Variants in USP42 observed in about 807,000 individuals in gnomAD.
USP42 encodes the protein ubiquitin specific peptidase 42.
A neutral mutation model predicts 113.0 loss-of-function variants in USP42; 23 were observed. The observed-to-expected ratio is 0.20, with a 90% CI of 0.15 to 0.29. USP42 has a LOEUF of 0.29. USP42 is among the 10% of genes least tolerant of loss of function. USP42 has a pLI of 1.00. For missense variants in USP42, 2,174 were observed against 1,779.8 expected (o/e 1.22, Z -3.99); for synonymous variants, 933 against 699.0 (o/e 1.33, Z -5.28).
chr7:6,156,062 C>G (rs1562860825), intron 15 of USP42, among the ~76,000 whole-genome samples: 1 of 152,130 alleles, frequency 6.6e-6, no homozygotes, highest in Admixed American at 6.6e-5. Flanking sequence ...TTTTAAAAAG[C>G]TAAATTGGTT....
intron 3 of USP42, among the ~76,000 whole-genome samples, chr7:6,135,093 A>G (rs962837549): frequency 1.3e-5 from 2 of 152,162 alleles, no homozygotes; most frequent in African/African-American, 2.4e-5. Flanking sequence ...CCTGGCTTCC[A>G]CAGTGATGTC....
At chr7:6,142,688 G>C (rs1236702997) in intron 7 of USP42, among the ~76,000 whole-genome samples, 1 of 151,922 alleles carries the variant, frequency 6.6e-6, no homozygotes, top group Non-Finnish European at 1.5e-5. Context: ...TTTGAGACCA[G>C]CCTGGGGGAA....
At chr7:6,145,212 T>C (rs982894911) in intron 9 of USP42, among the ~76,000 whole-genome samples, 1 of 151,690 alleles carries the variant, frequency 6.6e-6, no homozygotes, top group Admixed American at 6.6e-5. Context: ...GCACCTGTAA[T>C]CCCGGCTACT....
At chr7:6,104,551 G>A (rs1779135104), upstream of USP42, among the ~76,000 whole-genome samples, 2 of 152,244 alleles carry the variant, frequency 1.3e-5, no homozygotes, top group South Asian at 4.1e-4. Flanking sequence ...CCCGCTTCTG[G>A]AAACGCATCT....
chr7:6,105,802 A>G (rs1583563310), intron 1 of USP42, among the ~76,000 whole-genome samples: 1 of 152,196 alleles, frequency 6.6e-6, no homozygotes, highest in East Asian at 1.9e-4. Context: ...TGGACGGAAC[A>G]AGTTTTCCCA....
intron 5 of USP42, 36 bp from the exon 6 acceptor site, chr7:6,140,092 A>G (rs556277606): frequency 1.2e-6 from 2 of 1,600,042 alleles, no homozygotes; most frequent in Non-Finnish European, 1.7e-6. Context: ...GTTTTTGCAA[A>G]GCTCTTCTCT....
At chr7:6,128,745 G>T (rs1290369630) in intron 3 of USP42, among the ~76,000 whole-genome samples, 1 of 151,592 alleles carries the variant, frequency 6.6e-6, no homozygotes, top group Non-Finnish European at 1.5e-5. Context: ...GTGTTTTCTT[G>T]CTTCTCTGTG....
At chr7:6,091,667 CATT>C in the USP42 span, among the ~76,000 whole-genome samples, 1 of 99,178 alleles carries the variant, frequency 1.0e-5, no homozygotes, top group Admixed American at 9.8e-5. Context: ...CATATTTAAT[CATT>C]ATGTTAGCAT....
intron 3 of USP42, among the ~76,000 whole-genome samples, chr7:6,122,350 A>G (rs1030398753): frequency 1.3e-5 from 2 of 149,412 alleles, no homozygotes; most frequent in Non-Finnish European, 1.5e-5. Flanking sequence ...CAGTGGTGTC[A>G]TCATAGCTCA....
chr7:6,149,511 C>A, intron 12 of USP42, 72 bp from the exon 13 acceptor site: 2 of 1,510,468 alleles, frequency 1.3e-6, no homozygotes, highest in Non-Finnish European at 8.9e-7. Flanking sequence ...AAGGACCCAT[C>A]AGCCAAAATG....
rs746761287 is a variant in USP42, at chr7:6,135,977, T to G, written c.553+26T>G. The G allele has an allele frequency of 7.3e-6, 10 of 1,365,488 alleles. No individual in the cohort carries two copies. In the African/African-American group the frequency reaches 1.3e-4, roughly 18 times the overall value. 84.6% of individuals were successfully genotyped at this position (1,365,488 alleles called of 1,614,324 possible). A position where few individuals can be genotyped will look rare whatever the true frequency, so the allele number is the denominator to read the frequency against. On this transcript the variant is annotated intron_variant, in intron 4 of 17. Transcript: ENST00000306177. The stretch of plus-strand genomic sequence containing the variant: ...GTAAGTATTAACTATTGTAGTTTTA[T>G]ATTTGTATTTATTACCTAGTTATAC...
intron 2 of USP42, 78 bp from the exon 3 acceptor site, chr7:6,115,245 G>T (rs1779853214): frequency 7.0e-7 from 1 of 1,425,178 alleles, no homozygotes; most frequent in Admixed American, 1.7e-5. Context: ...AAAGATTGAG[G>T]TTTGACCAGG....
intron 3 of USP42, among the ~76,000 whole-genome samples, chr7:6,123,962 G>T (rs1347266727): frequency 1.3e-5 from 2 of 151,086 alleles, no homozygotes; most frequent in Admixed American, 6.6e-5. Context: ...TGGAAACTCT[G>T]CCTCCTGGGT....
chr7:6,108,081 G>A (rs1211665860), intron 1 of USP42, among the ~76,000 whole-genome samples: 1 of 152,142 alleles, frequency 6.6e-6, no homozygotes, highest in African/African-American at 2.4e-5. Context: ...CTACCCTGGA[G>A]GCTGAGGCAA....
chr7:6,131,927 C>A (rs1243658130), intron 3 of USP42, among the ~76,000 whole-genome samples: 1 of 152,152 alleles, frequency 6.6e-6, no homozygotes, highest in Admixed American at 6.6e-5. Context: ...GTGTAGAATT[C>A]TATGTTAACA....
intron 3 of USP42, among the ~76,000 whole-genome samples, chr7:6,132,652 C>T (rs1780914734): frequency 6.6e-6 from 1 of 151,592 alleles, no homozygotes; most frequent in African/African-American, 2.4e-5. Flanking sequence ...AGCCACCAAG[C>T]CAGCCTATGT....
chr7:6,132,902 A>G (rs1352477402), intron 3 of USP42, among the ~76,000 whole-genome samples: 2 of 151,828 alleles, frequency 1.3e-5, no homozygotes, highest in Non-Finnish European at 2.9e-5. Context: ...TCGATCTTCT[A>G]CCTTGTGATC....
At chr7:6,131,004 C>T (rs2128494968) in intron 3 of USP42, among the ~76,000 whole-genome samples, 2 of 152,228 alleles carry the variant, frequency 1.3e-5, no homozygotes, top group African/African-American at 4.8e-5. Context: ...TGCCTGGCAC[C>T]TGGCCCTGAG....
chr7:6,121,915 C>A (rs1306816415), intron 3 of USP42, among the ~76,000 whole-genome samples: 1 of 152,154 alleles, frequency 6.6e-6, no homozygotes, highest in Non-Finnish European at 1.5e-5. Context: ...CCCCGCTTGG[C>A]CTCCAAAAGT....
Sources: gnomAD v4.1 joint callset for allele counts (sites outside exome capture counted in the v4.1 genomes callset) on GRCh38, gnomAD v4.1.1 for gene constraint, MANE v1.5 for transcripts, NCBI Gene and HGNC (gene_info 2026-07-23, HGNC 2026-07-21) for gene names.